The following C5 variants were observed in gnomAD, a reference collection of about 807,000 sequenced individuals.
The protein encoded by C5 is complement C5, also known as C3 and PZP-like alpha-2-macroglobulin domain-containing protein 4.
C5 carries 140 observed loss-of-function variants against 218.8 expected under a neutral mutation model. The observed-to-expected ratio is 0.64, with a 90% CI of 0.56 to 0.74. The LOEUF is 0.74. Among genes scored for constraint, C5 ranks in the 30% least tolerant of loss-of-function variants. The probability of loss-of-function intolerance (pLI) is 0.00; values close to 1 mark genes in which losing one functional copy is unlikely to be tolerated. For synonymous variants in C5, 614 were observed against 682.3 expected (o/e 0.90, Z 1.56); for missense variants, 1,700 against 1,969.6 (o/e 0.86, Z 2.59).
chr9:121,002,310 G>GTATATA (rs1358812272), intron 20 of C5, among the ~76,000 whole-genome samples: 1,028 of 53,506 alleles, frequency 0.019, 9 homozygotes, highest in Middle Eastern at 0.043. Flanking sequence ...ATATATATAT[G>GTATATA]TGTGTGTATA....
intron 20 of C5, 33 bp from the exon 21 acceptor site, chr9:120,997,807 C>T (rs1326769152): frequency 1.3e-6 from 2 of 1,533,740 alleles, no homozygotes; most frequent in African/African-American, 1.4e-5. Context: ...TATCAAAATA[C>T]ATTTTTTTTT....
intron 22 of C5, among the ~76,000 whole-genome samples, chr9:120,992,280 T>G (rs1379467102): frequency 2.6e-5 from 4 of 152,250 alleles, no homozygotes; most frequent in Admixed American, 2.6e-4. Flanking sequence ...ATGCAGAGGA[T>G]ATATCAAAAT....
At chr9:121,065,680 A>T in the C5 span, among the ~76,000 whole-genome samples, 11 of 152,144 alleles carry the variant, frequency 7.2e-5, no homozygotes, top group Admixed American at 6.5e-5. Context: ...TAAAGACAGG[A>T]TTTTGCCATG....
At chr9:121,058,307 C>T in the C5 span, among the ~76,000 whole-genome samples, 1 of 152,080 alleles carries the variant, frequency 6.6e-6, no homozygotes, top group Non-Finnish European at 1.5e-5. Flanking sequence ...GGGAACACAT[C>T]TAATAATTTG....
Position 121,008,485 on chromosome 9 carries a change from C to G in C5, c.2271G>C (p.Leu757=). The G allele has an allele frequency of 1.2e-6, 2 of 1,612,744 alleles. No homozygotes were observed. The highest frequency in any genetic ancestry group is 1.7e-6 in the Non-Finnish European group (2 of 1,178,858). ...GAATTTCTGGCTTGCTTACTGGTAA[C>G]AGGGTCTTCATGTCTGGACAAAAAA... is the stretch of plus-strand genomic sequence containing the variant. ...MQLGRLHMKT[L]LPVSKPEIRS... Residue 757 remains leucine, a synonymous_variant, in exon 18 of 41, where the codon CTG becomes CTC. Transcript: ENST00000223642.
At chr9:120,996,759 A>G (rs888422905) in intron 21 of C5, among the ~76,000 whole-genome samples, 1 of 152,210 alleles carries the variant, frequency 6.6e-6, no homozygotes. Context: ...TTTGCACAAA[A>G]TAAGTCGGTA....
the C5 span, among the ~76,000 whole-genome samples, chr9:121,071,272 A>T: frequency 2.0e-5 from 3 of 152,190 alleles, no homozygotes; most frequent in East Asian, 5.8e-4. Context: ...GTGAGCCATG[A>T]TCGTGCTACT....
In C5 at chr9:121,017,743, C is replaced by A; in HGVS notation, c.1616G>T (p.Arg539Leu). 6.2e-6 allele frequency: 10 copies of A among 1,611,790 alleles called. No homozygotes were observed. Among genetic ancestry groups the A allele is most frequent in the Non-Finnish European group, 8.5e-6 (10 of 1,178,080 alleles). The part of the protein sequence containing the change: ...PVTQNMVPSS[R>L]LLVYYIVTGE... Reference sequence around the variant, plus strand: ...TGTGACGATGTAATAGACCAGAAGTCGGGATGAAGGAACCATGTTCTGTGT... The same window carrying A: ...TGTGACGATGTAATAGACCAGAAGTAGGGATGAAGGAACCATGTTCTGTGT... Residue 539 changes from arginine (R) to leucine (L), a missense_variant, in exon 13 of 41, where the codon CGA (arginine) becomes CTA (leucine). Coordinates refer to ENST00000223642, the MANE Select transcript of C5 (RefSeq NM_001735.3).
At chr9:120,979,472 G>C (rs2046976021) in intron 28 of C5, 1 of 152,388 alleles carries the variant, frequency 6.6e-6, no homozygotes, top group Non-Finnish European at 1.5e-5. Context: ...GTTTCATGAT[G>C]GCCTGGATTT....
the C5 span, among the ~76,000 whole-genome samples, chr9:121,064,055 A>T: frequency 6.6e-6 from 1 of 152,072 alleles, no homozygotes; most frequent in Admixed American, 6.5e-5. Context: ...TATGACCCCC[A>T]TCTCTTCCAT....
At chr9:121,006,857 C>T (rs1420223546) in intron 19 of C5, 47 bp downstream of exon 19, 1 of 1,218,446 alleles carries the variant, frequency 8.2e-7, no homozygotes, top group Non-Finnish European at 1.2e-6. Context: ...TTACATCTTG[C>T]TAATCAAATC....
chr9:121,032,386 G>T (rs2047483688), intron 5 of C5, among the ~76,000 whole-genome samples, 191 bp from the exon 6 acceptor site: 1 of 152,086 alleles, frequency 6.6e-6, no homozygotes, highest in Admixed American at 6.5e-5. Context: ...ATAGATAATA[G>T]ATATTGTTTA....
intron 23 of C5, among the ~76,000 whole-genome samples, chr9:120,990,640 T>C (rs2047070186): frequency 6.6e-6 from 1 of 152,212 alleles, no homozygotes; most frequent in Non-Finnish European, 1.5e-5. Context: ...TATATCCTCA[T>C]GGAAACAGAG....
At chr9:121,020,868 T>C (rs142429592) in intron 11 of C5, among the ~76,000 whole-genome samples, 233 of 152,318 alleles carry the variant, frequency 1.5e-3, no homozygotes, top group African/African-American at 5.2e-3. Context: ...ATATTCTAAC[T>C]CATCTTGCTA....
chr9:120,993,914 G>C lies in C5; in HGVS notation c.2851+2326C>G, dbSNP rs183015423. On this transcript the variant is annotated intron_variant, in intron 22 of 40. Transcript: ENST00000223642. The stretch of plus-strand genomic sequence containing the variant: ...GAAGGGGAATGGGAATGGGGTCCGG[G>C]ATGAAGGAAAAAATAAAACGAGAGG... 3.5e-4 allele frequency among the ~76,000 whole-genome samples: 53 copies of C among 152,276 alleles called. 1 individual carries two copies. Among genetic ancestry groups the C allele is most frequent in the Admixed American group, 2.6e-4 (4 of 15,288 alleles).
At chr9:121,074,518 T>C in the C5 span, among the ~76,000 whole-genome samples, 18 of 152,290 alleles carry the variant, frequency 1.2e-4, no homozygotes, top group African/African-American at 4.3e-4. Context: ...GATACGACTG[T>C]CAGAGAGAAG....
chr9:121,000,026 T>C, intron 20 of C5: 1 of 335,310 alleles, frequency 3.0e-6, no homozygotes. Context: ...CCCATTGCAC[T>C]CCAGCCTGGG....
intron 28 of C5, chr9:120,979,865 C>T (rs996036379): frequency 1.2e-5 from 6 of 508,554 alleles, no homozygotes; most frequent in South Asian, 6.1e-5. Context: ...GGTGACAGAG[C>T]GAGAACCTGT....
At chr9:121,066,424 G>C in the C5 span, among the ~76,000 whole-genome samples, 4 of 151,086 alleles carry the variant, frequency 2.6e-5, no homozygotes, top group African/African-American at 9.7e-5. Flanking sequence ...ATTCAAGCTA[G>C]TAGAGAACTA....
Sources: allele counts gnomAD v4.1 joint callset (sites outside exome capture counted in the v4.1 genomes callset), GRCh38; gene constraint gnomAD v4.1.1; transcripts MANE v1.5; gene names NCBI Gene and HGNC (gene_info 2026-07-23, HGNC 2026-07-21).